The following COL4A2 variants were observed in gnomAD, a reference collection of about 807,000 sequenced individuals.
The protein encoded by COL4A2 is collagen alpha-2(IV) chain.
Under a neutral mutation model 200.2 loss-of-function variants are expected in COL4A2, and 99 were observed. The ratio of observed to expected loss-of-function variants is 0.49; its 90% CI spans 0.42 to 0.58. The LOEUF is 0.58. Among genes scored for constraint, COL4A2 ranks in the 20% least tolerant of loss-of-function variants. The pLI, the probability that COL4A2 is intolerant of heterozygous loss-of-function variation, is 0.00. For synonymous variants in COL4A2, 897 were observed against 900.6 expected, an observed-to-expected ratio of 1.00 and a Z score of 0.07; for missense variants, 1,950 against 2,314.1, an observed-to-expected ratio of 0.84 and a Z score of 3.23.
rs1883979470 is a variant in COL4A2, at chr13:110,508,951, G to A, written c.4881+730G>A. Among the ~76,000 whole-genome samples, 1 of 152,162 alleles carries A rather than the reference G, an allele frequency of 6.6e-6. No homozygotes were observed. Among genetic ancestry groups the A allele is most frequent in the South Asian group, 2.1e-4 (1 of 4,820 alleles). On this transcript the variant is annotated intron_variant, in intron 47 of 47. Transcript: ENST00000360467. This position sits in a 1 kb window ranked among gnomAD's most constrained non-coding sequence, Gnocchi z 6.1. ...TCCCGTCCCGATAAATTCATTGTAAGATGAAGATACTATAAGTTGAAAGTG... is the reference window on the plus strand; with the variant it reads ...TCCCGTCCCGATAAATTCATTGTAAAATGAAGATACTATAAGTTGAAAGTG...
chr13:110,430,487 A>T (rs1227943033), intron 9 of COL4A2, 51 bp downstream of exon 9: 1 of 1,614,128 alleles, frequency 6.2e-7, no homozygotes, highest in Non-Finnish European at 8.5e-7. Context: ...TAAGAGCTTC[A>T]GAACTCCAAG....
chr13:110,422,365 T>G (rs1471160986), intron 4 of COL4A2, among the ~76,000 whole-genome samples: 1 of 152,134 alleles, frequency 6.6e-6, no homozygotes, highest in East Asian at 1.9e-4. Flanking sequence ...AGAATGAGTC[T>G]GGGATATCGT....
chr13:110,466,223 T>C (rs1301979356), intron 26 of COL4A2, among the ~76,000 whole-genome samples, 161 bp downstream of exon 26: 1 of 152,192 alleles, frequency 6.6e-6, no homozygotes, highest in Non-Finnish European at 1.5e-5. Flanking sequence ...GCACTATACA[T>C]TGCATGAATG....
At chr13:110,376,113 G>T (rs929441995) in intron 4 of COL4A2, among the ~76,000 whole-genome samples, 3 of 152,144 alleles carry the variant, frequency 2.0e-5, no homozygotes, top group Non-Finnish European at 4.4e-5. Context: ...ACTGGCTTAG[G>T]GATATTTGGG....
chr13:110,502,068 C>T (rs1231826277), intron 41 of COL4A2, among the ~76,000 whole-genome samples: 3 of 152,204 alleles, frequency 2.0e-5, no homozygotes, highest in Non-Finnish European at 4.4e-5. Context: ...TCTTCTTCCT[C>T]ACTGTATTGT....
At chr13:110,408,442 G>A (rs1566516710) in intron 4 of COL4A2, among the ~76,000 whole-genome samples, 1 of 152,212 alleles carries the variant, frequency 6.6e-6, no homozygotes, top group East Asian at 1.9e-4. Flanking sequence ...CCCACACTCT[G>A]GGATGTGAGG....
At chr13:110,320,584 C>G (rs910457471) in intron 3 of COL4A2, among the ~76,000 whole-genome samples, 1 of 152,174 alleles carries the variant, frequency 6.6e-6, no homozygotes, top group African/African-American at 2.4e-5. Flanking sequence ...AATGGGATGA[C>G]ACCGATAGAT....
chr13:110,424,919 C>A (rs138453725), intron 5 of COL4A2, 34 bp from the exon 6 acceptor site: 6 of 1,614,086 alleles, frequency 3.7e-6, no homozygotes. Flanking sequence ...GCGGGTATCT[C>A]AGCCTTGGTT....
chr13:110,374,263 T>G (rs1471323679), intron 4 of COL4A2, among the ~76,000 whole-genome samples: 1 of 152,060 alleles, frequency 6.6e-6, no homozygotes, highest in Non-Finnish European at 1.5e-5. Context: ...GGAAATTAAT[T>G]GAAGAACAAT....
At chr13:110,506,269 T>C (rs1325086860) in intron 45 of COL4A2, 146 bp from the exon 46 acceptor site, 11 of 835,674 alleles carry the variant, frequency 1.3e-5, no homozygotes, top group Admixed American at 3.0e-5. Flanking sequence ...TCTCTCTCTC[T>C]CTCTCTCTCT....
In COL4A2 at chr13:110,314,592, G is replaced by A. The variant is rs190310581; in HGVS notation, c.99+6469G>A. On this transcript the variant is annotated intron_variant, in intron 3 of 47. Coordinates refer to ENST00000360467, the MANE Select transcript of COL4A2 (RefSeq NM_001846.4). The stretch of plus-strand genomic sequence containing the variant: ...AGCACCACATGGGAGGCCCGGTGGA[G>A]CTGTCATGGGGCCTCTTCTTCGCTG... Among the ~76,000 whole-genome samples the A allele has an allele frequency of 5.6e-4, 86 of 152,318 alleles. No homozygotes were observed. In the East Asian group the frequency reaches 0.012, roughly 22 times the overall value.
chr13:110,413,361 C>T lies in COL4A2; in HGVS notation c.181-11373C>T, dbSNP rs185134983. ...ATGGTCCCTACCTCCAAGGGCCTCG[C>T]GGTCTCACGTGAAATGTGGGTACAG... On this transcript the variant is annotated intron_variant, in intron 4 of 47. Coordinates refer to ENST00000360467, the MANE Select transcript of COL4A2 (RefSeq NM_001846.4). Among the ~76,000 whole-genome samples, 20 of 152,270 alleles carry T rather than the reference C, an allele frequency of 1.3e-4. 1 individual carries two copies. The highest frequency in any genetic ancestry group is 7.7e-4 in the East Asian group (4 of 5,186).
At chr13:110,457,656 T>G in intron 21 of COL4A2, 1 of 671,026 alleles carries the variant, frequency 1.5e-6, no homozygotes, top group Non-Finnish European at 2.8e-6. Flanking sequence ...CCGTCCCTGC[T>G]CTCCATCTGC....
chr13:110,389,470 C>T (rs74803518), intron 4 of COL4A2, among the ~76,000 whole-genome samples: 3,222 of 152,286 alleles, frequency 0.021, 52 homozygotes, highest in Non-Finnish European at 0.032. Flanking sequence ...TCAGCAGCAG[C>T]GAAGATGACC....
intron 44 of COL4A2, 66 bp downstream of exon 44, chr13:110,504,059 A>C: frequency 1.9e-6 from 3 of 1,555,862 alleles, no homozygotes; most frequent in Admixed American, 1.7e-5. Context: ...GCCTGCTGGC[A>C]TTGCGTCCTC....
At chr13:110,357,370 G>A (rs926729417) in intron 3 of COL4A2, 102 bp from the exon 4 acceptor site, 78 of 1,465,274 alleles carry the variant, frequency 5.3e-5, no homozygotes, top group East Asian at 3.5e-4. Flanking sequence ...TGAATGAATC[G>A]TTTCTAGAGT....
chr13:110,503,560 C>A, intron 43 of COL4A2, 79 bp downstream of exon 43: 1 of 864,204 alleles, frequency 1.2e-6, no homozygotes, highest in Non-Finnish European at 1.8e-6. Flanking sequence ...GGAGGTCAAA[C>A]GGCCAGGATC....
rs1882974465 is a variant in COL4A2, at chr13:110,482,614, G to A, written c.2857G>A (p.Gly953Arg). Residue 953 changes from glycine to arginine, a missense_variant, in exon 32 of 48, where the codon GGA becomes AGA. By Grantham distance (125) the Gly-to-Arg change is moderately radical (BLOSUM62 -2). Transcript: ENST00000360467. ...PGSKGEAGFF[G>R]IPGLKGLAGE... ...GAGCAAAGGCGAGGCTGGATTTTTC[G>A]GAATACCCGGTCTGAAGGGTCTGGC... is the stretch of plus-strand genomic sequence containing the variant. 1.2e-6 allele frequency: 2 copies of A among 1,614,058 alleles called. No individual in the cohort carries two copies. Among genetic ancestry groups the A allele is most frequent in the Non-Finnish European group, 1.7e-6 (2 of 1,180,006 alleles).
intron 4 of COL4A2, among the ~76,000 whole-genome samples, chr13:110,382,096 G>C (rs888322398): frequency 6.6e-6 from 1 of 152,126 alleles, no homozygotes; most frequent in African/African-American, 2.4e-5. Context: ...TCAGAAAATA[G>C]AAGTAGTTTA....
Sources: gnomAD v4.1 joint callset for allele counts (sites outside exome capture counted in the v4.1 genomes callset) on GRCh38, gnomAD v4.1.1 for gene constraint, Gnocchi (gnomAD v3.1) non-coding constraint, MANE v1.5 for transcripts, NCBI Gene and HGNC (gene_info 2026-07-23, HGNC 2026-07-21) for gene names.